The following PPM1E variants were observed in gnomAD, a reference collection of about 807,000 sequenced individuals.
PPM1E encodes the protein protein phosphatase 1E.
In PPM1E, 20 loss-of-function variants were observed where a neutral mutation model predicts 65.9. That is an observed-to-expected ratio of 0.30 (90% CI 0.21 to 0.44). PPM1E has a LOEUF of 0.44. Ranked by LOEUF, PPM1E falls within the 20% of genes least tolerant of loss-of-function variation. The pLI is 1.00. For synonymous variants in PPM1E, 352 were observed against 374.9 expected (o/e 0.94, Z 0.70); for missense variants, 713 against 953.1 (o/e 0.75, Z 3.32).
At position 58,851,888 on chromosome 17, in the gene PPM1E, C is replaced by T. The variant is rs187920422; in HGVS notation, c.464+95427C>T. On this transcript the variant is annotated intron_variant, in intron 1 of 6. Transcript: ENST00000308249. ...GCCCTGCTCCCAGAGGTGGAGTCTA[C>T]AGAGGCAGGCAGGCCTCCTTCGGCT... Among the ~76,000 whole-genome samples, 2 of 152,342 alleles carry T rather than the reference C, an allele frequency of 1.3e-5. 1 individual carries two copies. The highest frequency in any genetic ancestry group is 1.3e-4 in the Admixed American group (2 of 15,304).
chr17:58,845,117 A>C (rs1166009303), intron 1 of PPM1E, among the ~76,000 whole-genome samples: 1 of 152,132 alleles, frequency 6.6e-6, no homozygotes, highest in East Asian at 1.9e-4. Flanking sequence ...ACTTATGCGA[A>C]ATGTGTGACC....
intron 1 of PPM1E, among the ~76,000 whole-genome samples, chr17:58,820,464 A>G (rs1207372393): frequency 6.6e-6 from 1 of 152,158 alleles, no homozygotes; most frequent in Non-Finnish European, 1.5e-5. Flanking sequence ...TGATGTGCTA[A>G]GCCATGTTCA....
chr17:58,949,583 T>C (rs1395389593), intron 1 of PPM1E, among the ~76,000 whole-genome samples: 1 of 152,222 alleles, frequency 6.6e-6, no homozygotes, highest in Non-Finnish European at 1.5e-5. Flanking sequence ...TTCTGAGTAT[T>C]TTGTGTAACC....
intron 1 of PPM1E, among the ~76,000 whole-genome samples, chr17:58,766,080 A>G (rs1306704698): frequency 6.7e-6 from 1 of 149,446 alleles, no homozygotes; most frequent in East Asian, 2.0e-4. Context: ...GAGTTTCACC[A>G]TGTTGGCCAG....
At chr17:58,791,431 T>C (rs2050157145) in intron 1 of PPM1E, among the ~76,000 whole-genome samples, 1 of 152,208 alleles carries the variant, frequency 6.6e-6, no homozygotes, top group African/African-American at 2.4e-5. Context: ...GAGCAGATAC[T>C]GTCCTATTTT....
intron 1 of PPM1E, among the ~76,000 whole-genome samples, chr17:58,885,896 A>G (rs2051259767): frequency 6.6e-6 from 1 of 152,216 alleles, no homozygotes; most frequent in African/African-American, 2.4e-5. Context: ...AGGAGAATCA[A>G]CTGTTCACAT....
chr17:58,945,991 A>G (rs552854894), intron 1 of PPM1E, among the ~76,000 whole-genome samples: 4 of 152,214 alleles, frequency 2.6e-5, no homozygotes, highest in Non-Finnish European at 4.4e-5. Flanking sequence ...TATTAAGTCA[A>G]TCTCCCATCT....
chr17:58,930,278 C>CACAG lies in PPM1E; in HGVS notation c.465-25368_465-25367insGACA, dbSNP rs1567878196. On this transcript the variant is annotated intron_variant, in intron 1 of 6. Coordinates refer to ENST00000308249, the MANE Select transcript of PPM1E (RefSeq NM_014906.5). ...ACACACACACACACACACACACACA[C>CACAG]ACACACAGACACACACACACATATA... 2.0e-5 allele frequency among the ~76,000 whole-genome samples: 3 copies of CACAG among 151,656 alleles called. No individual in the cohort carries two copies. In the East Asian group the frequency reaches 5.8e-4, roughly 29 times the overall value.
chr17:58,825,487 G>A lies in PPM1E; in HGVS notation c.464+69026G>A, dbSNP rs1598594692. Among the ~76,000 whole-genome samples the A allele has an allele frequency of 2.0e-5, 3 of 151,826 alleles. No homozygotes were observed. In the East Asian group the frequency reaches 5.8e-4, roughly 29 times the overall value. On this transcript the variant is annotated intron_variant, in intron 1 of 6. Transcript: ENST00000308249. ...CAGAAAAAACTTAACAGTTTAGAAA[G>A]CTTTGTGTTAACATTGGTGTTTTTT...
chr17:58,966,362 AAAG>A, intron 3 of PPM1E: 3 of 362,810 alleles, frequency 8.3e-6, no homozygotes, highest in Non-Finnish European at 1.6e-5. Flanking sequence ...TAAAAAAAAA[AAAG>A]AAAGAAAAGA....
chr17:58,928,789 G>A (rs1200307700), intron 1 of PPM1E, among the ~76,000 whole-genome samples: 1 of 149,828 alleles, frequency 6.7e-6, no homozygotes, highest in Admixed American at 6.7e-5. Context: ...TGCAACCTTC[G>A]CCTCCCGGGT....
intron 1 of PPM1E, among the ~76,000 whole-genome samples, chr17:58,941,675 G>A (rs1215751456): frequency 1.6e-5 from 2 of 121,876 alleles, no homozygotes; most frequent in African/African-American, 6.4e-5. Flanking sequence ...CCTGGTGACA[G>A]AGCAAGACTC....
intron 1 of PPM1E, among the ~76,000 whole-genome samples, chr17:58,927,166 G>A (rs181683463): frequency 9.9e-5 from 13 of 131,242 alleles, no homozygotes; most frequent in South Asian, 4.7e-4. Flanking sequence ...TCGCTCTGTC[G>A]CCCAGGCTGG....
At chr17:58,775,476 C>T (rs1481908943) in intron 1 of PPM1E, among the ~76,000 whole-genome samples, 4 of 152,084 alleles carry the variant, frequency 2.6e-5, no homozygotes, top group Non-Finnish European at 4.4e-5. Flanking sequence ...TAATCATTAT[C>T]AGATCTTCCA....
At chr17:58,848,450 A>G (rs568456962) in intron 1 of PPM1E, among the ~76,000 whole-genome samples, 2 of 152,304 alleles carry the variant, frequency 1.3e-5, no homozygotes, top group East Asian at 3.9e-4. Flanking sequence ...ACATCCCATC[A>G]ATACCTAGTT....
chr17:58,764,820 C>G (rs1475542617), intron 1 of PPM1E, among the ~76,000 whole-genome samples: 1 of 152,050 alleles, frequency 6.6e-6, no homozygotes, highest in Non-Finnish European at 1.5e-5. Flanking sequence ...TTTCAAACTC[C>G]TGGCCTCAAG....
chr17:58,921,503 G>A (rs1276183402), intron 1 of PPM1E, among the ~76,000 whole-genome samples: 1 of 151,666 alleles, frequency 6.6e-6, no homozygotes, highest in Admixed American at 6.6e-5. Context: ...AGGCAGCATA[G>A]TGAGACTCCA....
At chr17:58,763,542 G>T (rs1465854618) in intron 1 of PPM1E, among the ~76,000 whole-genome samples, 2 of 152,018 alleles carry the variant, frequency 1.3e-5, no homozygotes, top group Non-Finnish European at 2.9e-5. Flanking sequence ...TAGCTTGGTG[G>T]CTCCTGCCCT....
At chr17:58,877,156 T>G (rs1567861492) in intron 1 of PPM1E, among the ~76,000 whole-genome samples, 1 of 152,234 alleles carries the variant, frequency 6.6e-6, no homozygotes, top group South Asian at 2.1e-4. Context: ...AGATGACGTT[T>G]CAAATAGACA....
Sources: allele counts gnomAD v4.1 joint callset (sites outside exome capture counted in the v4.1 genomes callset), GRCh38; gene constraint gnomAD v4.1.1; transcripts MANE v1.5; gene names NCBI Gene and HGNC (gene_info 2026-07-23, HGNC 2026-07-21).